ISCU: variants seen among roughly 807,000 people sequenced by gnomAD.
The protein encoded by ISCU is iron-sulfur cluster assembly enzyme.
A neutral mutation model predicts 18.4 loss-of-function variants in ISCU; 13 were observed. The observed-to-expected ratio is 0.71, with a 90% confidence interval of 0.46 to 1.12. ISCU has a LOEUF of 1.12. Ranked by LOEUF, ISCU falls within the 50% of genes most tolerant of loss-of-function variation. The pLI is 0.00. For synonymous variants in ISCU, 104 were observed against 87.5 expected, an observed-to-expected ratio of 1.19 and a Z score of -1.06; for missense variants, 229 against 208.7, an observed-to-expected ratio of 1.10 and a Z score of -0.60.
At chr12:108,567,399 T>C (rs1050601198) in intron 4 of ISCU, 131 bp downstream of exon 4, 5 of 819,874 alleles carry the variant, frequency 6.1e-6, no homozygotes, top group Non-Finnish European at 1.0e-5. Context: ...AGTCTGTCCT[T>C]ATAACCTGCA....
At chr12:108,566,778 A>C (rs182323525) in intron 3 of ISCU, among the ~76,000 whole-genome samples, 1 of 152,360 alleles carries the variant, frequency 6.6e-6, no homozygotes, top group East Asian at 1.9e-4. Flanking sequence ...GCCATTCGGC[A>C]CTTCTAGTCA....
chr12:108,568,681 T>A (rs2031012383), intron 4 of ISCU, 150 bp from the exon 5 acceptor site: 1 of 1,490,304 alleles, frequency 6.7e-7, no homozygotes, highest in Non-Finnish European at 8.9e-7. Flanking sequence ...GCTGCTGACG[T>A]GCCCAGCAAC....
At chr12:108,565,463 A>C (rs1182448618) in intron 3 of ISCU, 32 bp downstream of exon 3, 1 of 1,397,954 alleles carries the variant, frequency 7.2e-7, no homozygotes, top group South Asian at 1.2e-5. Context: ...ATGGGTCAAA[A>C]ACAAGTAACC....
intron 4 of ISCU, 142 bp downstream of exon 4, chr12:108,567,410 G>C: frequency 1.3e-6 from 1 of 777,962 alleles, no homozygotes; most frequent in Non-Finnish European, 2.2e-6. Flanking sequence ...ATAACCTGCA[G>C]AGGGTTAGAG....
chr12:108,568,693 C>T, intron 4 of ISCU, 138 bp from the exon 5 acceptor site: 1 of 1,509,618 alleles, frequency 6.6e-7, no homozygotes, highest in Non-Finnish European at 8.9e-7. Context: ...CCCAGCAACT[C>T]CTCACCCCAG....
intron 3 of ISCU, 149 bp from the exon 4 acceptor site, chr12:108,567,041 G>T (rs900928731): frequency 1.4e-6 from 1 of 696,482 alleles, no homozygotes; most frequent in South Asian, 1.5e-5. Flanking sequence ...TAAAGTGGGA[G>T]TCCTGAGAAG....
At chr12:108,563,973 T>G in intron 1 of ISCU, 1 of 841,520 alleles carries the variant, frequency 1.2e-6, no homozygotes. Context: ...AGCCCAAGTC[T>G]GGTGATGTAG....
chr12:108,562,685 C>A lies in ISCU; in HGVS notation c.63C>A (p.Pro21=), dbSNP rs1355288839. Residue 21 remains proline (P), a synonymous_variant, in exon 1 of 5, where the codon CCC becomes CCA. Coordinates refer to ENST00000311893, the MANE Select transcript of ISCU (RefSeq NM_213595.4). ...CATCGGCTCTGCTGCTGCGGAGCCC[C>A]CGCCTGCCCGCCCGGGAGCTGTCGG... ...RAASALLLRS[P]RLPARELSAP... is the part of the protein sequence containing the mutation. 2.7e-6 allele frequency: 4 copies of A among 1,479,230 alleles called. No homozygotes were observed. Among genetic ancestry groups the A allele is most frequent in the African/African-American group, 1.5e-5 (1 of 68,280 alleles). The allele number at this position is 1,479,230 out of a possible 1,614,324, so 91.6% of individuals were successfully genotyped here.
At chr12:108,563,674 GT>G (rs1011709806) in intron 1 of ISCU, 1 of 280,682 alleles carries the variant, frequency 3.6e-6, no homozygotes, top group African/African-American at 2.2e-5. Context: ...CCGGGGGTGT[GT>G]TTTGTTGAGG....
rs1347205208 is a variant in ISCU at position 108,569,109 on chromosome 12, T to A, written c.*193T>A. 1 of 611,622 alleles carries A rather than the reference T, an allele frequency of 1.6e-6. No homozygotes were observed. The highest frequency in any genetic ancestry group is 1.9e-5 in the African/African-American group (1 of 54,028). The allele number at this position is 611,622 out of a possible 1,614,324, so 37.9% of individuals were successfully genotyped here. A position where few individuals can be genotyped will look rare whatever the true frequency, so the allele number is the denominator to read the frequency against. ...ATTGTTCTGAATCCTGTGGTTTCTT[T>A]CAGCCCACTTTTATCGCCTTAACCT... On this transcript the variant is annotated 3_prime_UTR_variant, in exon 5 of 5. Coordinates refer to ENST00000311893, the MANE Select transcript of ISCU (RefSeq NM_213595.4).
In ISCU at chr12:108,562,655, G is replaced by A. The variant is rs1426637304; in HGVS notation, c.33G>A (p.Arg11=). Residue 11 remains arginine (R), a synonymous_variant, in exon 1 of 5, where the codon CGG becomes CGA. Transcript: ENST00000311893. MAAAGAFRLR[R]AASALLLRSP... ...CGGCTGGGGCTTTCCGTCTGAGGCG[G>A]GCGGCATCGGCTCTGCTGCTGCGGA... 1 of 1,461,642 alleles carries A rather than the reference G, an allele frequency of 6.8e-7. No individual in the cohort carries two copies. The highest frequency in any genetic ancestry group is 9.0e-7 in the Non-Finnish European group (1 of 1,113,304). 90.5% of individuals were successfully genotyped at this position (1,461,642 alleles called of 1,614,324 possible).
intron 2 of ISCU, chr12:108,564,929 T>C (rs1335846547): frequency 1.1e-5 from 3 of 279,042 alleles, no homozygotes; most frequent in Non-Finnish European, 2.0e-5. Context: ...AAGTGTAATC[T>C]GCTGCCCAAG....
intron 4 of ISCU, chr12:108,568,268 C>T: frequency 8.6e-7 from 1 of 1,157,768 alleles, no homozygotes; most frequent in Non-Finnish European, 1.1e-6. Flanking sequence ...TTCCAGCTCT[C>T]TCAGTTTTTA....
intron 2 of ISCU, 177 bp from the exon 3 acceptor site, chr12:108,565,144 C>T (rs2030829112): frequency 3.2e-6 from 2 of 619,886 alleles, no homozygotes; most frequent in East Asian, 5.5e-5. Context: ...GTTGTCCCTG[C>T]ATTTCACTTT....
At chr12:108,567,112 G>T in intron 3 of ISCU, 78 bp from the exon 4 acceptor site, 2 of 1,072,208 alleles carry the variant, frequency 1.9e-6, no homozygotes, top group Non-Finnish European at 2.9e-6. Context: ...GAGCCTCTTT[G>T]GCCTCCCTTT....
chr12:108,568,115 A>G, intron 4 of ISCU: 1 of 1,373,722 alleles, frequency 7.3e-7, no homozygotes, highest in Non-Finnish European at 9.4e-7. Flanking sequence ...TTGATCTGGA[A>G]TTTTAAGTAC....
chr12:108,567,450 G>A, intron 4 of ISCU, 182 bp downstream of exon 4: 1 of 730,410 alleles, frequency 1.4e-6, no homozygotes, highest in Non-Finnish European at 2.4e-6. Context: ...ATCCCTAAGA[G>A]AATCATGCCA....
chr12:108,567,650 G>C lies in ISCU; in HGVS notation c.418+382G>C, dbSNP rs767000507. The C allele has an allele frequency of 6.1e-5, 93 of 1,535,182 alleles. 1 individual carries two copies. The highest frequency in any genetic ancestry group is 7.1e-5 in the Non-Finnish European group (81 of 1,146,208). Reference sequence around the variant, plus strand: ...AGCCAGAATTTAAGCTCCAATCTTTGATTTCAGAATCTGTGCTGTTTCCAG... The same window carrying C: ...AGCCAGAATTTAAGCTCCAATCTTTCATTTCAGAATCTGTGCTGTTTCCAG... On this transcript the variant is annotated intron_variant, in intron 4 of 4. Coordinates refer to ENST00000311893, the MANE Select transcript of ISCU (RefSeq NM_213595.4).
intron 2 of ISCU, 55 bp from the exon 3 acceptor site, chr12:108,565,266 C>T: frequency 7.5e-7 from 1 of 1,327,824 alleles, no homozygotes; most frequent in Admixed American, 1.7e-5. Context: ...TCGTGAGTGC[C>T]AGGTTCCAGA....
Sources: gnomAD v4.1 joint callset for allele counts (sites outside exome capture counted in the v4.1 genomes callset) on GRCh38, gnomAD v4.1.1 for gene constraint, MANE v1.5 for transcripts, NCBI Gene and HGNC (gene_info 2026-07-23, HGNC 2026-07-21) for gene names.